Variants in PIK3C2G observed in about 807,000 individuals in gnomAD.
The protein encoded by PIK3C2G is phosphatidylinositol-4-phosphate 3-kinase catalytic subunit type 2 gamma.
In PIK3C2G, 168 loss-of-function variants were observed where a neutral mutation model predicts 181.1. The ratio of observed to expected loss-of-function variants is 0.93; its 90% CI spans 0.82 to 1.05. The LOEUF (loss-of-function observed/expected upper bound fraction) is 1.05, where lower values mean the gene tolerates loss of function less well. Ranked by LOEUF, PIK3C2G falls within the 50% of genes least tolerant of loss-of-function variation. The pLI, the probability that PIK3C2G is intolerant of heterozygous loss-of-function variation, is 0.00. For synonymous variants in PIK3C2G, 573 were observed against 592.2 expected (o/e 0.97, Z 0.47); for missense variants, 1,869 against 1,732.8 (o/e 1.08, Z -1.40).
chr12:18,684,848 G>GAAA, the PIK3C2G span, among the ~76,000 whole-genome samples: 2 of 151,966 alleles, frequency 1.3e-5, no homozygotes, highest in Non-Finnish European at 2.9e-5. Context: ...CTGGATTATA[G>GAAA]GGGGCTGTTC....
intron 5 of PIK3C2G, among the ~76,000 whole-genome samples, chr12:18,295,042 ATTAT>A (rs1452781473): frequency 1.3e-5 from 2 of 150,546 alleles, no homozygotes; most frequent in African/African-American, 2.4e-5. Flanking sequence ...ATATTTCATT[ATTAT>A]TTATTATTTT....
the PIK3C2G span, among the ~76,000 whole-genome samples, chr12:18,690,222 T>G: frequency 2.6e-5 from 4 of 152,160 alleles, no homozygotes; most frequent in South Asian, 8.3e-4. Flanking sequence ...TGTTTGTTTG[T>G]TTGTTTGTTT....
At chr12:18,283,004 T>A (rs1475382815) in intron 2 of PIK3C2G, among the ~76,000 whole-genome samples, 1 of 152,044 alleles carries the variant, frequency 6.6e-6, no homozygotes, top group African/African-American at 2.4e-5. Context: ...TATTATAAAA[T>A]TTTACTTGGT....
chr12:18,692,933 G>A, the PIK3C2G span: 1 of 1,548,572 alleles, frequency 6.5e-7, no homozygotes, highest in South Asian at 1.1e-5. Flanking sequence ...TGCCACTGGT[G>A]ACACCTCACA....
At chr12:18,471,298 T>A (rs1026050659) in intron 18 of PIK3C2G, among the ~76,000 whole-genome samples, 1 of 152,126 alleles carries the variant, frequency 6.6e-6, no homozygotes, top group African/African-American at 2.4e-5. Context: ...ATTAGAGGAA[T>A]CTCAACCTAC....
At chr12:18,335,166 C>T (rs756545512) in intron 8 of PIK3C2G, among the ~76,000 whole-genome samples, 1 of 152,056 alleles carries the variant, frequency 6.6e-6, no homozygotes, top group Non-Finnish European at 1.5e-5. Context: ...TTACAGGTGG[C>T]TGCTATCCAA....
chr12:18,376,841 A>T (rs947721213), intron 13 of PIK3C2G, among the ~76,000 whole-genome samples: 7 of 152,164 alleles, frequency 4.6e-5, no homozygotes, highest in African/African-American at 1.7e-4. Flanking sequence ...CATGTGAGAC[A>T]CCTGCTCACC....
intron 18 of PIK3C2G, among the ~76,000 whole-genome samples, chr12:18,473,130 G>T (rs1938610431): frequency 6.6e-6 from 1 of 152,104 alleles, no homozygotes; most frequent in Non-Finnish European, 1.5e-5. Flanking sequence ...AGGGCAAATC[G>T]TTTTTTATCC....
chr12:18,296,365 C>T (rs945170348), intron 5 of PIK3C2G, among the ~76,000 whole-genome samples: 1 of 152,072 alleles, frequency 6.6e-6, no homozygotes, highest in African/African-American at 2.4e-5. Context: ...AGGCCTGAGG[C>T]TGTCCATTTC....
intron 18 of PIK3C2G, among the ~76,000 whole-genome samples, chr12:18,479,053 C>A (rs191247363): frequency 1.4e-5 from 2 of 147,776 alleles, no homozygotes; most frequent in African/African-American, 2.5e-5. Flanking sequence ...TACATATATA[C>A]GTATACATAT....
chr12:18,488,091 G>A (rs1479893213), intron 18 of PIK3C2G, among the ~76,000 whole-genome samples: 1 of 152,128 alleles, frequency 6.6e-6, no homozygotes, highest in East Asian at 1.9e-4. Flanking sequence ...ATATAGTACA[G>A]TCACTTATAA....
At chr12:18,465,447 A>T (rs1247047944) in intron 18 of PIK3C2G, among the ~76,000 whole-genome samples, 1 of 151,832 alleles carries the variant, frequency 6.6e-6, no homozygotes, top group Non-Finnish European at 1.5e-5. Context: ...TTTCATCTAG[A>T]ATCACTTTCT....
At chr12:18,507,813 G>A (rs994974929) in intron 24 of PIK3C2G, among the ~76,000 whole-genome samples, 1 of 152,102 alleles carries the variant, frequency 6.6e-6, no homozygotes, top group Admixed American at 6.5e-5. Flanking sequence ...CCAGTTGGCA[G>A]ACATAAAAAA....
the PIK3C2G span, among the ~76,000 whole-genome samples, chr12:18,714,056 C>T: frequency 1.1e-3 from 160 of 152,256 alleles, no homozygotes; most frequent in Non-Finnish European, 1.5e-3. Context: ...ATAGGGATGT[C>T]TCAAAATCTT....
chr12:18,601,232 G>A (rs941927237), intron 30 of PIK3C2G, among the ~76,000 whole-genome samples: 6 of 150,952 alleles, frequency 4.0e-5, no homozygotes, highest in Middle Eastern at 3.2e-3. Context: ...CCCTGAAAAG[G>A]CATTTGATAA....
intron 20 of PIK3C2G, among the ~76,000 whole-genome samples, chr12:18,492,181 T>G (rs570311290): frequency 6.6e-6 from 1 of 152,172 alleles, no homozygotes; most frequent in Non-Finnish European, 1.5e-5. Context: ...TGATAAGCTT[T>G]ATTATCTTCC....
intron 1 of PIK3C2G, among the ~76,000 whole-genome samples, chr12:18,252,649 G>A (rs1948106149): frequency 6.6e-6 from 1 of 152,112 alleles, no homozygotes; most frequent in Non-Finnish European, 1.5e-5. Context: ...TAATAAACTT[G>A]GGGGAACCAG....
chr12:18,328,387 A>G (rs1951439630), intron 8 of PIK3C2G, among the ~76,000 whole-genome samples: 1 of 151,992 alleles, frequency 6.6e-6, no homozygotes, highest in African/African-American at 2.4e-5. Flanking sequence ...TAGAGAGAGA[A>G]AGAAAATTCC....
intron 24 of PIK3C2G, among the ~76,000 whole-genome samples, chr12:18,520,002 T>TAAAAAAAAAAAA (rs889312316): frequency 6.5e-5 from 3 of 46,324 alleles, no homozygotes; most frequent in African/African-American, 2.5e-4. Flanking sequence ...CAATAAATAC[T>TAAAAAAAAAAAA]AAAAAAAAAA....
Sources: allele counts gnomAD v4.1 joint callset (sites outside exome capture counted in the v4.1 genomes callset), GRCh38; gene constraint gnomAD v4.1.1; transcripts MANE v1.5; gene names NCBI Gene and HGNC (gene_info 2026-07-23, HGNC 2026-07-21).